Variants in SETD9 observed in about 807,000 individuals in gnomAD.
The protein encoded by SETD9 is SET domain containing 9, also known as SET domain-containing protein 9.
In SETD9, 37 loss-of-function variants were observed where a neutral mutation model predicts 36.4. The ratio of observed to expected loss-of-function variants is 1.02; its 90% CI spans 0.78 to 1.34. SETD9 has a LOEUF of 1.34. Among genes scored for constraint, SETD9 ranks in the 40% most tolerant of loss-of-function variants. The probability of loss-of-function intolerance (pLI) is 0.00; values close to 1 mark genes in which losing one functional copy is unlikely to be tolerated. For missense variants in SETD9, 323 were observed against 353.2 expected (o/e 0.91, Z 0.69); for synonymous variants, 128 against 132.9 (o/e 0.96, Z 0.26).
downstream of SETD9, chr5:56,920,137 TAAA>T (rs1749600148): frequency 6.6e-6 from 1 of 152,550 alleles, no homozygotes. Context: ...TTTTAAAAAT[TAAA>T]AAGGAAATGA....
intron 1 of SETD9, chr5:56,910,744 A>G: frequency 5.3e-6 from 1 of 187,762 alleles, no homozygotes; most frequent in Non-Finnish European, 1.1e-5. Context: ...CATTTTTAAA[A>G]AGCCATTGAA....
Position 56,917,191 on chromosome 5 carries a change from A to T in SETD9, c.*289A>T. On this transcript the variant is annotated 3_prime_UTR_variant, in exon 6 of 6. Transcript: ENST00000285947. The stretch of plus-strand genomic sequence containing the variant: ...CCTACTCTTTGAACTTATAATTTCA[A>T]TTTTTCTTTTGTTTATTTTGTAAGC... 1 of 1,079,902 alleles carries T rather than the reference A, an allele frequency of 9.3e-7. No homozygotes were observed. The highest frequency in any genetic ancestry group is 1.1e-6 in the Non-Finnish European group (1 of 892,668). The allele number at this position is 1,079,902 out of a possible 1,614,324, so 66.9% of individuals were successfully genotyped here.
At position 56,914,919 on chromosome 5, in the gene SETD9, A is replaced by G. The variant is rs2112029388; in HGVS notation, c.765A>G (p.Glu255=). 1 of 1,601,786 alleles carries G rather than the reference A, an allele frequency of 6.2e-7. No individual in the cohort carries two copies. The highest frequency in any genetic ancestry group is 2.2e-5 in the East Asian group (1 of 44,650). ...EFDVPAVFPI[E]LKQYLPNIAY... ...ATGTGCCTGCAGTTTTCCCTATAGA[A>G]CTGAAGCAGTATCTTCCAAACATTG... Residue 255 remains glutamate (E), a synonymous_variant, in exon 5 of 6, where the codon GAA becomes GAG. Coordinates refer to ENST00000285947, the MANE Select transcript of SETD9 (RefSeq NM_153706.4).
At chr5:56,912,717 ATGTG>A (rs999386037) in intron 2 of SETD9, among the ~76,000 whole-genome samples, 2 of 152,046 alleles carry the variant, frequency 1.3e-5, no homozygotes, top group African/African-American at 2.4e-5. Flanking sequence ...TTAAATATAT[ATGTG>A]TGTGTGTATA....
chr5:56,911,613 C>T, intron 2 of SETD9, 77 bp downstream of exon 2: 2 of 1,405,150 alleles, frequency 1.4e-6, no homozygotes, highest in Non-Finnish European at 1.9e-6. Flanking sequence ...CATACCCAGC[C>T]TTGCAATCCT....
downstream of SETD9, among the ~76,000 whole-genome samples, chr5:56,919,126 C>CTTTTT (rs34426416): frequency 1.5e-5 from 2 of 132,562 alleles, no homozygotes; most frequent in African/African-American, 5.6e-5. Flanking sequence ...TTTGGGACTT[C>CTTTTT]TTTTTTTTTT....
At chr5:56,919,080 A>G (rs1053340591), downstream of SETD9, among the ~76,000 whole-genome samples, 3 of 151,500 alleles carry the variant, frequency 2.0e-5, no homozygotes, top group African/African-American at 7.3e-5. Flanking sequence ...AACATAATAA[A>G]TGTTTCCTGA....
At chr5:56,928,875 T>C (rs747978329), downstream of SETD9, 10 of 1,604,564 alleles carry the variant, frequency 6.2e-6, no homozygotes, top group Admixed American at 1.7e-4. Context: ...AGAAAAATTT[T>C]AAAATAAAAT....
exon 6 of SETD9, chr5:56,925,511 G>A: frequency 8.5e-6 from 2 of 236,396 alleles, no homozygotes; most frequent in Admixed American, 5.6e-5. Context: ...ATTTACATTA[G>A]CACCCCAAAA....
upstream of SETD9, chr5:56,909,477 G>T: frequency 3.8e-6 from 2 of 532,478 alleles, no homozygotes; most frequent in East Asian, 6.8e-5. Context: ...TCAGGAAAGG[G>T]GAAGGACGAA....
chr5:56,918,268 T>C (rs565602060), downstream of SETD9, among the ~76,000 whole-genome samples: 1 of 152,222 alleles, frequency 6.6e-6, no homozygotes, highest in Non-Finnish European at 1.5e-5. Flanking sequence ...CCAAGGACTT[T>C]TGCACTTAGT....
downstream of SETD9, chr5:56,928,691 A>C: frequency 9.8e-7 from 1 of 1,025,180 alleles, no homozygotes; most frequent in Non-Finnish European, 1.5e-6. Context: ...CTTTTTTCCT[A>C]CTTAAGTGAC....
At chr5:56,928,105 CCTTTCACCTCAA>C (rs1489339698), downstream of SETD9, 1 of 152,130 alleles carries the variant, frequency 6.6e-6, no homozygotes, top group Non-Finnish European at 1.5e-5. Context: ...CTTTGTTTAT[CCTTTCACCTCAA>C]AGGACATACA....
rs746603803 is a variant in SETD9, at chr5:56,913,878, T to C, written c.595T>C (p.Cys199Arg). Residue 199 changes from cysteine to arginine, a missense_variant, in exon 4 of 6, where the codon TGC (cysteine) becomes CGC (arginine). Coordinates refer to ENST00000285947, the MANE Select transcript of SETD9 (RefSeq NM_153706.4). The stretch of plus-strand genomic sequence containing the variant: ...TAATGCTTTCACTTGTTTCAGATCT[T>C]GCAATGGGAGGGATCGACTCGGCCC... ...KGISKVVYRS[C>R]NGRDRLGPLK... The C allele has an allele frequency of 1.3e-5, 21 of 1,602,820 alleles. No homozygotes were observed. The African/African-American group carries it at 2.4e-4, about 18-fold the overall frequency.
chr5:56,912,201 A>G (rs1749174243), intron 2 of SETD9: 1 of 985,298 alleles, frequency 1.0e-6, no homozygotes, highest in Non-Finnish European at 1.2e-6. Flanking sequence ...ATAAAAGACA[A>G]CATTTAAACC....
downstream of SETD9, chr5:56,928,613 ATC>A (rs1300120938): frequency 3.9e-6 from 2 of 518,500 alleles, no homozygotes; most frequent in Non-Finnish European, 6.8e-6. Context: ...AGGCTGTGGC[ATC>A]TCTGAGCAAA....
At chr5:56,920,247 G>A (rs550837549), downstream of SETD9, 7 of 152,532 alleles carry the variant, frequency 4.6e-5, no homozygotes, top group South Asian at 1.5e-3. Flanking sequence ...ATGACAAGAG[G>A]AAAACTAAAC....
At chr5:56,924,119 T>TAC (rs1263230446) in intron 5 of SETD9, 102 of 1,399,480 alleles carry the variant, frequency 7.3e-5, no homozygotes, top group Non-Finnish European at 9.8e-5. Context: ...TCCACAACAC[T>TAC]ACAACTTCAA....
rs1749475124 is a variant in SETD9 at position 56,917,211 on chromosome 5, G to A, written c.*309G>A. 1 of 1,060,976 alleles carries A rather than the reference G, an allele frequency of 9.4e-7. No individual in the cohort carries two copies. The highest frequency in any genetic ancestry group is 1.1e-6 in the Non-Finnish European group (1 of 879,930). The allele number at this position is 1,060,976 out of a possible 1,614,324, so 65.7% of individuals were successfully genotyped here. A position where few individuals can be genotyped will look rare whatever the true frequency, so the allele number is the denominator to read the frequency against. Reference sequence around the variant, plus strand: ...TTTCAATTTTTCTTTTGTTTATTTTGTAAGCTCTGTGGTGGTTTATAAAAT... The same window carrying A: ...TTTCAATTTTTCTTTTGTTTATTTTATAAGCTCTGTGGTGGTTTATAAAAT... On this transcript the variant is annotated 3_prime_UTR_variant, in exon 6 of 6. Coordinates refer to ENST00000285947, the MANE Select transcript of SETD9 (RefSeq NM_153706.4).
Sources: allele counts gnomAD v4.1 joint callset (sites outside exome capture counted in the v4.1 genomes callset), GRCh38; gene constraint gnomAD v4.1.1; transcripts MANE v1.5; gene names NCBI Gene and HGNC (gene_info 2026-07-23, HGNC 2026-07-21).